Variants in TPRG1 observed in about 807,000 individuals in gnomAD.
TPRG1 encodes the protein tumor protein p63 regulated 1, also known as tumor protein p63-regulated gene 1 protein.
In TPRG1, 29 loss-of-function variants were observed where a neutral mutation model predicts 29.3. The observed-to-expected ratio is 0.99, with a 90% CI of 0.74 to 1.35. The LOEUF (loss-of-function observed/expected upper bound fraction) is 1.35, where lower values mean the gene tolerates loss of function less well. TPRG1 is among the 40% of genes most tolerant of loss of function. The probability of loss-of-function intolerance (pLI) is 0.00; values close to 1 mark genes in which losing one functional copy is unlikely to be tolerated. For synonymous variants in TPRG1, 130 were observed against 116.8 expected (o/e 1.11, Z -0.73); for missense variants, 327 against 335.0 (o/e 0.98, Z 0.19).
At chr3:189,173,354 T>C (rs75018680) in intron 1 of TPRG1, among the ~76,000 whole-genome samples, 5 of 149,996 alleles carry the variant, frequency 3.3e-5, no homozygotes, top group Non-Finnish European at 1.5e-5. Flanking sequence ...TTTTTTTTTT[T>C]TTTGAGACAG....
intron 2 of TPRG1, among the ~76,000 whole-genome samples, chr3:189,214,539 G>A (rs989618938): frequency 2.6e-5 from 4 of 152,184 alleles, no homozygotes; most frequent in African/African-American, 4.8e-5. Flanking sequence ...CTTCTCTGTC[G>A]AAGTACATTT....
At chr3:189,169,392 T>C (rs1216370833), upstream of TPRG1, among the ~76,000 whole-genome samples, 1 of 152,194 alleles carries the variant, frequency 6.6e-6, no homozygotes, top group East Asian at 1.9e-4. Context: ...CTTGAACTCC[T>C]GACCTCAGAT....
At chr3:189,223,817 T>G (rs1737286252) in intron 3 of TPRG1, among the ~76,000 whole-genome samples, 1 of 152,210 alleles carries the variant, frequency 6.6e-6, no homozygotes, top group South Asian at 2.1e-4. Flanking sequence ...CTTATGACAG[T>G]TTTTTGCCAT....
intron 4 of TPRG1, among the ~76,000 whole-genome samples, chr3:189,261,373 C>T (rs1443843493): frequency 6.6e-6 from 1 of 150,812 alleles, no homozygotes; most frequent in Admixed American, 6.6e-5. Flanking sequence ...CCTCTAATCA[C>T]GTCTTTTTCT....
At chr3:189,113,909 A>G (rs977492534) in intron 1 of TPRG1, among the ~76,000 whole-genome samples, 11 of 137,898 alleles carry the variant, frequency 8.0e-5, no homozygotes, top group African/African-American at 3.2e-4. Flanking sequence ...CCTAAAACTT[A>G]AAGTATAATA....
chr3:189,084,965 A>G (rs777641300), intron 4 of TPRG1, among the ~76,000 whole-genome samples: 9 of 152,186 alleles, frequency 5.9e-5, no homozygotes, highest in Non-Finnish European at 1.3e-4. Context: ...AATTACAGTA[A>G]CAGACAATAT....
intron 3 of TPRG1, among the ~76,000 whole-genome samples, chr3:189,147,004 T>C (rs1725351391): frequency 6.6e-6 from 1 of 152,196 alleles, no homozygotes; most frequent in Non-Finnish European, 1.5e-5. Flanking sequence ...GGGGTCCACA[T>C]GTATTTTCTC....
chr3:189,212,446 T>G (rs1365635868), intron 2 of TPRG1, among the ~76,000 whole-genome samples: 3 of 152,174 alleles, frequency 2.0e-5, no homozygotes, highest in African/African-American at 7.2e-5. Context: ...ATAAATATAT[T>G]AGTTGTATTG....
upstream of TPRG1, among the ~76,000 whole-genome samples, chr3:189,099,554 A>G (rs1311900251): frequency 1.3e-5 from 2 of 151,992 alleles, no homozygotes; most frequent in Non-Finnish European, 2.9e-5. Context: ...GAATTTGGGG[A>G]AAAGTTTCTG....
At chr3:189,042,170 C>A (rs996566620) in intron 4 of TPRG1, among the ~76,000 whole-genome samples, 82 of 152,114 alleles carry the variant, frequency 5.4e-4, no homozygotes, top group African/African-American at 1.9e-3. Context: ...AAAAAAAAAT[C>A]TGAAATTATA....
intron 3 of TPRG1, among the ~76,000 whole-genome samples, chr3:189,139,227 G>T (rs1279564079): frequency 6.6e-6 from 1 of 152,214 alleles, no homozygotes; most frequent in Non-Finnish European, 1.5e-5. Flanking sequence ...GTTGCCAAGG[G>T]TTGCACAGTA....
intron 4 of TPRG1, among the ~76,000 whole-genome samples, chr3:189,078,275 C>T (rs1241398461): frequency 2.0e-5 from 3 of 151,460 alleles, no homozygotes; most frequent in Non-Finnish European, 4.4e-5. Context: ...GTAGCTGGGA[C>T]TACAGGTGTG....
Position 189,204,677 on chromosome 3 carries a change from A to C in TPRG1, c.-9-2699A>C, listed in dbSNP as rs568076930. ...TAATTAAATCCTCCCTCTGTTTTCC[A>C]GGCACAGGAGCCTTTCGCAGATGTC... On this transcript the variant is annotated intron_variant, in intron 1 of 5. Transcript: ENST00000345063. Among the ~76,000 whole-genome samples the C allele has an allele frequency of 3.3e-5, 5 of 152,286 alleles. No homozygotes were observed. The East Asian group carries it at 9.7e-4, about 29-fold the overall frequency.
chr3:189,017,792 G>A (rs1362518022), intron 3 of TPRG1, among the ~76,000 whole-genome samples: 2 of 152,140 alleles, frequency 1.3e-5, no homozygotes, highest in African/African-American at 4.8e-5. Flanking sequence ...CTAGATCCCT[G>A]AGGAATCGCC....
chr3:189,098,997 G>A (rs889269672), upstream of TPRG1, among the ~76,000 whole-genome samples: 3 of 152,092 alleles, frequency 2.0e-5, no homozygotes, highest in East Asian at 1.9e-4. Context: ...AAACAGAGAC[G>A]GCTTTACCCT....
At chr3:189,251,929 C>T (rs559577508) in intron 4 of TPRG1, among the ~76,000 whole-genome samples, 9 of 151,752 alleles carry the variant, frequency 5.9e-5, no homozygotes, top group African/African-American at 1.2e-4. Context: ...TATGGGTGTC[C>T]GGCTGGGGGA....
At chr3:189,159,583 CTGA>C (rs1038587516) in intron 5 of TPRG1, among the ~76,000 whole-genome samples, 1 of 152,082 alleles carries the variant, frequency 6.6e-6, no homozygotes, top group African/African-American at 2.4e-5. Context: ...TTTGCTCGTG[CTGA>C]TGATGTTATT....
At chr3:189,286,528 T>C (rs1718084892) in intron 4 of TPRG1, among the ~76,000 whole-genome samples, 1 of 152,036 alleles carries the variant, frequency 6.6e-6, no homozygotes, top group African/African-American at 2.4e-5. Context: ...TTCCAGGACA[T>C]AGGGGCAGAT....
chr3:189,293,964 A>G (rs1379338252), intron 4 of TPRG1, among the ~76,000 whole-genome samples: 1 of 152,228 alleles, frequency 6.6e-6, no homozygotes, highest in Non-Finnish European at 1.5e-5. Flanking sequence ...AGTTTCCAAT[A>G]TCTTCTACTA....
Sources: gnomAD v4.1 joint callset for allele counts (sites outside exome capture counted in the v4.1 genomes callset) on GRCh38, gnomAD v4.1.1 for gene constraint, MANE v1.5 for transcripts, NCBI Gene and HGNC (gene_info 2026-07-23, HGNC 2026-07-21) for gene names.